Variants in RNF17 observed in about 807,000 individuals in gnomAD.
The protein encoded by RNF17 is spermatogenesis associated 23.
In RNF17, 31 loss-of-function variants were observed where a neutral mutation model predicts 200.5. That is an observed-to-expected ratio of 0.15 (90% CI 0.12 to 0.21). RNF17 has a LOEUF of 0.21. Ranked by LOEUF, RNF17 falls within the 10% of genes least tolerant of loss-of-function variation. The probability of loss-of-function intolerance (pLI) is 1.00; values close to 1 mark genes in which losing one functional copy is unlikely to be tolerated. For missense variants in RNF17, 1,628 were observed against 1,905.1 expected, an observed-to-expected ratio of 0.85 and a Z score of 2.71; for synonymous variants, 606 against 637.8, an observed-to-expected ratio of 0.95 and a Z score of 0.75.
intron 15 of RNF17, among the ~76,000 whole-genome samples, chr13:24,816,100 A>G (rs577039461): frequency 1.5e-4 from 23 of 152,162 alleles, no homozygotes; most frequent in African/African-American, 4.3e-4. Context: ...AGGTCTCACT[A>G]TGTTACACAG....
chr13:24,818,231 G>C (rs1887628631), intron 15 of RNF17, among the ~76,000 whole-genome samples: 1 of 151,992 alleles, frequency 6.6e-6, no homozygotes, highest in Non-Finnish European at 1.5e-5. Flanking sequence ...CATTGTCATA[G>C]AGACAAATAC....
At position 24,809,092 on chromosome 13, in the gene RNF17, C is replaced by T. The variant is rs1385571019; in HGVS notation, c.2091+4663C>T. ...TTGCATCAATGTTCATCAAGGATATCGGTCTAAAATTCTCTTTTTTGGTTG... is the reference window on the plus strand; with the variant it reads ...TTGCATCAATGTTCATCAAGGATATTGGTCTAAAATTCTCTTTTTTGGTTG... On this transcript the variant is annotated intron_variant, in intron 15 of 35. Transcript: ENST00000255324. Among the ~76,000 whole-genome samples, 190 of 151,246 alleles carry T rather than the reference C, an allele frequency of 1.3e-3. 2 individuals carry two copies. The highest frequency in any genetic ancestry group is 5.7e-3 in the East Asian group (29 of 5,126).
chr13:24,782,392 C>T (rs552953056), intron 6 of RNF17, among the ~76,000 whole-genome samples: 1 of 151,992 alleles, frequency 6.6e-6, no homozygotes, highest in African/African-American at 2.4e-5. Flanking sequence ...AGACAAGGGT[C>T]TCACTACATT....
chr13:24,758,091 A>C, the RNF17 span, among the ~76,000 whole-genome samples: 2 of 152,198 alleles, frequency 1.3e-5, no homozygotes, highest in African/African-American at 4.8e-5. Context: ...CCCTGGAAGA[A>C]TCCACTATGC....
chr13:24,822,936 A>G (rs1442835032), intron 15 of RNF17, among the ~76,000 whole-genome samples: 1 of 152,172 alleles, frequency 6.6e-6, no homozygotes, highest in Admixed American at 6.5e-5. Flanking sequence ...ATATCTTTAC[A>G]GTTAGTTTCA....
intron 11 of RNF17, among the ~76,000 whole-genome samples, chr13:24,797,705 A>AGTGCGTGTGTGTGT (rs1555269364): frequency 5.0e-5 from 6 of 119,096 alleles, no homozygotes; most frequent in Middle Eastern, 4.1e-3. Flanking sequence ...AGAGACAAAG[A>AGTGCGTGTGTGTGT]GTGTGTGTGT....
intron 23 of RNF17, 45 bp from the exon 24 acceptor site, chr13:24,851,411 T>G: frequency 7.9e-7 from 1 of 1,269,974 alleles, no homozygotes; most frequent in Non-Finnish European, 1.1e-6. Flanking sequence ...ATATGAAGAT[T>G]TCATTTTGGT....
chr13:24,767,702 T>G, intron 2 of RNF17, among the ~76,000 whole-genome samples: 1 of 147,816 alleles, frequency 6.8e-6, no homozygotes, highest in South Asian at 2.1e-4. Flanking sequence ...GAGCCAAGAT[T>G]GCACCACTGC....
upstream of RNF17, among the ~76,000 whole-genome samples, chr13:24,763,533 A>C (rs1047786119): frequency 5.3e-5 from 8 of 151,870 alleles, no homozygotes; most frequent in Non-Finnish European, 1.2e-4. Flanking sequence ...GCTAATTCTT[A>C]CTGTCTCTAA....
intron 11 of RNF17, among the ~76,000 whole-genome samples, chr13:24,798,155 A>G (rs74042511): frequency 0.044 from 6,683 of 152,174 alleles, 458 homozygotes; most frequent in African/African-American, 0.15. Flanking sequence ...TCAGTATTTA[A>G]TATTAGAAGT....
intron 13 of RNF17, among the ~76,000 whole-genome samples, chr13:24,800,890 A>G (rs1170711143): frequency 2.6e-5 from 4 of 152,130 alleles, no homozygotes; most frequent in South Asian, 2.1e-4. Flanking sequence ...TAATGGCCAT[A>G]TTGCATTCTG....
downstream of RNF17, chr13:24,882,884 A>G (rs1160316003): frequency 8.0e-6 from 3 of 376,744 alleles, no homozygotes; most frequent in South Asian, 2.6e-5. Flanking sequence ...GTTTTTTTTT[A>G]TAGCCATTTC....
chr13:24,877,444 G>T (rs898777997), intron 34 of RNF17, among the ~76,000 whole-genome samples: 10 of 152,092 alleles, frequency 6.6e-5, no homozygotes, highest in African/African-American at 2.2e-4. Context: ...TTAATAAAAT[G>T]CTCAAGATGA....
At chr13:24,788,739 G>A (rs572646175) in intron 7 of RNF17, among the ~76,000 whole-genome samples, 26 of 152,234 alleles carry the variant, frequency 1.7e-4, no homozygotes, top group African/African-American at 6.0e-4. Context: ...GACAGGACAA[G>A]ATTAATCACA....
At chr13:24,880,137 G>A (rs1257698897), downstream of RNF17, among the ~76,000 whole-genome samples, 1 of 146,740 alleles carries the variant, frequency 6.8e-6, no homozygotes, top group Admixed American at 7.1e-5. Flanking sequence ...AGAAAGGAAA[G>A]AGGTTTAATT....
intron 33 of RNF17, among the ~76,000 whole-genome samples, chr13:24,875,054 A>G (rs1261254826): frequency 6.6e-6 from 1 of 152,218 alleles, no homozygotes; most frequent in Non-Finnish European, 1.5e-5. Flanking sequence ...CCTTATATAT[A>G]TGAGGGGTCT....
chr13:24,790,827 G>T (rs1479393105), intron 9 of RNF17, among the ~76,000 whole-genome samples: 1 of 152,024 alleles, frequency 6.6e-6, no homozygotes, highest in Non-Finnish European at 1.5e-5. Flanking sequence ...AAGAGCAGAA[G>T]AGCAAAAAAG....
chr13:24,825,511 A>T, intron 15 of RNF17, 108 bp from the exon 16 acceptor site: 1 of 766,014 alleles, frequency 1.3e-6, no homozygotes, highest in Non-Finnish European at 2.1e-6. Flanking sequence ...TTTACATTCA[A>T]TTCAAGTTTT....
intron 16 of RNF17, among the ~76,000 whole-genome samples, chr13:24,827,013 T>C (rs1888725772): frequency 1.3e-5 from 2 of 152,046 alleles, no homozygotes; most frequent in African/African-American, 4.8e-5. Flanking sequence ...TGAGCTGAGA[T>C]TGTGCCATTG....
Sources: gnomAD v4.1 joint callset for allele counts (sites outside exome capture counted in the v4.1 genomes callset) on GRCh38, gnomAD v4.1.1 for gene constraint, MANE v1.5 for transcripts, NCBI Gene and HGNC (gene_info 2026-07-23, HGNC 2026-07-21) for gene names.